The following SNX1 variants were observed in gnomAD, a reference collection of about 807,000 sequenced individuals.
SNX1 encodes sorting nexin-1.
Under a neutral mutation model 71.8 loss-of-function variants are expected in SNX1, and 36 were observed. That is an observed-to-expected ratio of 0.50 (90% CI 0.38 to 0.66). The LOEUF (loss-of-function observed/expected upper bound fraction) is 0.66. Among genes scored for constraint, SNX1 ranks in the 30% least tolerant of loss-of-function variants. The probability of loss-of-function intolerance (pLI) is 0.00; values close to 1 mark genes in which losing one functional copy is unlikely to be tolerated. For missense variants in SNX1, 612 were observed against 646.7 expected (o/e 0.95, Z 0.58); for synonymous variants, 254 against 240.7 (o/e 1.06, Z -0.51).
intron 5 of SNX1, among the ~76,000 whole-genome samples, chr15:64,124,234 C>T (rs1357451883): frequency 2.0e-5 from 3 of 146,362 alleles, no homozygotes; most frequent in African/African-American, 8.0e-5. Flanking sequence ...GGGCCGGTCA[C>T]GGTGGCTCAC....
intron 11 of SNX1, among the ~76,000 whole-genome samples, chr15:64,133,333 C>T (rs1329657166): frequency 6.6e-6 from 1 of 152,340 alleles, no homozygotes; most frequent in Admixed American, 6.5e-5. Flanking sequence ...TAAGATGCTG[C>T]AGGGTAGCAG....
At position 64,139,109 on chromosome 15, in the gene SNX1, T is replaced by C. The variant is rs2140166038; in HGVS notation, c.*1491T>C. 6.6e-6 allele frequency: 1 copy of C among 152,332 alleles called. No individual in the cohort carries two copies. Among genetic ancestry groups the C allele is most frequent in the Non-Finnish European group, 1.5e-5 (1 of 68,020 alleles). The allele number at this position is 152,332 out of a possible 1,614,324, so 9.4% of individuals were successfully genotyped here. On this transcript the variant is annotated 3_prime_UTR_variant, in exon 15 of 15. Transcript: ENST00000559844. Reference sequence around the variant, plus strand: ...CCCTCAGTATCCTTACCATCAACTTTGGTTTTATCCTTCCAGTCTTTATTA... The same window carrying C: ...CCCTCAGTATCCTTACCATCAACTTCGGTTTTATCCTTCCAGTCTTTATTA...
At position 64,129,201 on chromosome 15, in the gene SNX1, C is replaced by T. The variant is rs1265773775; in HGVS notation, c.808-715C>T. ...GGCAGAGGTTGCCGTGAGCTGAGAT[C>T]GTGCCACTGCACTCCAGCCTGGGCG... On this transcript the variant is annotated intron_variant, in intron 8 of 14. Transcript: ENST00000559844. This position sits in a 1 kb window ranked among gnomAD's most constrained non-coding sequence, Gnocchi z 4.4. Among the ~76,000 whole-genome samples, 5 of 151,260 alleles carry T rather than the reference C, an allele frequency of 3.3e-5. No individual in the cohort carries two copies. Among genetic ancestry groups the T allele is most frequent in the Non-Finnish European group, 7.4e-5 (5 of 67,920 alleles).
rs2081393210 is a variant in SNX1 at position 64,139,384 on chromosome 15, G to T, written c.*1766G>T. On this transcript the variant is annotated 3_prime_UTR_variant, in exon 15 of 15. Transcript: ENST00000559844. ...GTTTTATTGGTAACTTTAAAATTTT[G>T]AATACAATTTCAGATTTACAGAAAA... The T allele has an allele frequency of 7.8e-6, 1 of 127,804 alleles. No individual in the cohort carries two copies. The highest frequency in any genetic ancestry group is 8.5e-5 in the Admixed American group (1 of 11,696). The allele number at this position is 127,804 out of a possible 1,614,324, so 7.9% of individuals were successfully genotyped here.
At chr15:64,137,101 G>A (rs2081367228) in intron 14 of SNX1, among the ~76,000 whole-genome samples, 169 bp downstream of exon 14, 2 of 152,138 alleles carry the variant, frequency 1.3e-5, no homozygotes, top group Non-Finnish European at 2.9e-5. Flanking sequence ...GCATCCAACA[G>A]GGTCTTTTAC....
chr15:64,119,048 C>T (rs1197709046), intron 4 of SNX1, among the ~76,000 whole-genome samples, 194 bp downstream of exon 4: 8 of 150,910 alleles, frequency 5.3e-5, no homozygotes, highest in Admixed American at 1.3e-4. Flanking sequence ...GTTAGTCAGT[C>T]TTTTCTTGGC....
At position 64,139,828 on chromosome 15, in the gene SNX1, T is replaced by G. The variant is rs933082863; in HGVS notation, c.*2210T>G. Reference sequence around the variant, plus strand: ...TACTGCAGATTCCTCAACTTTCTTTTGTCTTTCATTACCATGACATTTTTG... The same window carrying G: ...TACTGCAGATTCCTCAACTTTCTTTGGTCTTTCATTACCATGACATTTTTG... On this transcript the variant is annotated 3_prime_UTR_variant, in exon 15 of 15. Transcript: ENST00000559844. 2 of 152,198 alleles carry G rather than the reference T, an allele frequency of 1.3e-5. No individual in the cohort carries two copies. The highest frequency in any genetic ancestry group is 6.5e-5 in the Admixed American group (1 of 15,276). 9.4% of individuals were successfully genotyped at this position (152,198 alleles called of 1,614,324 possible). A position where few individuals can be genotyped will look rare whatever the true frequency, so the allele number is the denominator to read the frequency against.
chr15:64,106,089 G>A (rs1411923015), intron 1 of SNX1, among the ~76,000 whole-genome samples: 1 of 152,034 alleles, frequency 6.6e-6, no homozygotes, highest in Non-Finnish European at 1.5e-5. Context: ...GCATAAATGA[G>A]ACTTTGAGAT....
At position 64,114,143 on chromosome 15, in the gene SNX1, T is replaced by C. The variant is rs78010966; in HGVS notation, c.271+1459T>C. ...AAAGAATGTGGTATGGGCAAAGTAA[T>C]GTTTTAGGAAGACTGACCTAGTGGA... is the stretch of plus-strand genomic sequence containing the variant. On this transcript the variant is annotated intron_variant, in intron 2 of 14. Coordinates refer to ENST00000559844, the MANE Select transcript of SNX1 (RefSeq NM_003099.5). Among the ~76,000 whole-genome samples, 120 of 152,340 alleles carry C rather than the reference T, an allele frequency of 7.9e-4. 5 individuals are homozygous for C. The highest frequency in any genetic ancestry group is 2.8e-3 in the African/African-American group (117 of 41,584).
chr15:64,121,579 C>G (rs998452717), intron 4 of SNX1, among the ~76,000 whole-genome samples: 5 of 152,152 alleles, frequency 3.3e-5, no homozygotes, highest in African/African-American at 1.2e-4. Context: ...TCAGTTACAT[C>G]GGTAAAGACC....
rs375095105 is a variant in SNX1 at position 64,114,055 on chromosome 15, A to G, written c.271+1371A>G. ...AAACAGATTTGGGAGGACCTTAGAC[A>G]TTAATAATTCGAGTCTGGATTTTCA... On this transcript the variant is annotated intron_variant, in intron 2 of 14. Transcript: ENST00000559844. 2.6e-4 allele frequency among the ~76,000 whole-genome samples: 40 copies of G among 152,356 alleles called. No homozygotes were observed. In the East Asian group the frequency reaches 6.9e-3, roughly 26 times the overall value.
rs1219908925 is a variant in SNX1 at position 64,134,654 on chromosome 15, A to G, written c.1222-10A>G. 3 of 1,606,910 alleles carry G rather than the reference A, an allele frequency of 1.9e-6. No individual in the cohort carries two copies. The highest frequency in any genetic ancestry group is 2.5e-6 in the Non-Finnish European group (3 of 1,176,660). On this transcript the variant is annotated splice_polypyrimidine_tract_variant and intron_variant, in intron 11 of 14. Coordinates refer to ENST00000559844, the MANE Select transcript of SNX1 (RefSeq NM_003099.5). The surrounding 1 kb of genome is among the most constrained non-coding windows in gnomAD (Gnocchi z 4.1). ...GCTGGTTGTGCTCCTCCTCAACCCC[A>G]CCCCCACAGGCTGCCTTCGACCAGC...
chr15:64,133,694 C>A (rs2081329793), intron 11 of SNX1, among the ~76,000 whole-genome samples: 1 of 152,204 alleles, frequency 6.6e-6, no homozygotes, highest in African/African-American at 2.4e-5. Flanking sequence ...AAGATCGCGC[C>A]ATTGCACTCC....
At chr15:64,133,995 G>T (rs547354317) in intron 11 of SNX1, among the ~76,000 whole-genome samples, 1 of 152,222 alleles carries the variant, frequency 6.6e-6, no homozygotes, top group African/African-American at 2.4e-5. Flanking sequence ...GAGCAGGTGA[G>T]TGTGTGGTTG....
chr15:64,098,324 G>A (rs909981415), intron 1 of SNX1, among the ~76,000 whole-genome samples: 1 of 152,248 alleles, frequency 6.6e-6, no homozygotes, highest in African/African-American at 2.4e-5. Flanking sequence ...GACACTGAAA[G>A]TGATTGGTCA....
chr15:64,099,707 CACTT>C (rs1442011257), intron 1 of SNX1, among the ~76,000 whole-genome samples: 10 of 152,094 alleles, frequency 6.6e-5, no homozygotes, highest in South Asian at 2.1e-4. Context: ...ATCAAATAGA[CACTT>C]AATGACTTCA....
intron 2 of SNX1, among the ~76,000 whole-genome samples, chr15:64,117,013 C>G (rs2081136331): frequency 6.6e-6 from 1 of 152,080 alleles, no homozygotes; most frequent in Non-Finnish European, 1.5e-5. Context: ...TATAATTTAA[C>G]CTTTACAAGG....
Position 64,129,106 on chromosome 15 carries a change from T to C in SNX1, c.808-810T>C, listed in dbSNP as rs2081281634. ...TACTAAAAATACAAAAATTAGCGGG[T>C]CGTGGTGGCGGGCACCTATAATCCC... On this transcript the variant is annotated intron_variant, in intron 8 of 14. Coordinates refer to ENST00000559844, the MANE Select transcript of SNX1 (RefSeq NM_003099.5). This position sits in a 1 kb window ranked among gnomAD's most constrained non-coding sequence, Gnocchi z 4.4. 6.6e-6 allele frequency among the ~76,000 whole-genome samples: 1 copy of C among 151,594 alleles called. No individual in the cohort carries two copies. Among genetic ancestry groups the C allele is most frequent in the South Asian group, 2.1e-4 (1 of 4,776 alleles).
At chr15:64,133,980 G>T (rs971732392) in intron 11 of SNX1, among the ~76,000 whole-genome samples, 5 of 152,232 alleles carry the variant, frequency 3.3e-5, no homozygotes, top group African/African-American at 1.2e-4. Flanking sequence ...GGCCTTGGTA[G>T]CCTAGAGCAG....
Sources: allele counts gnomAD v4.1 joint callset (sites outside exome capture counted in the v4.1 genomes callset), GRCh38; gene constraint gnomAD v4.1.1; non-coding constraint Gnocchi (gnomAD v3.1); transcripts MANE v1.5; gene names NCBI Gene and HGNC (gene_info 2026-07-23, HGNC 2026-07-21).